VSTM2A: variants seen among roughly 807,000 people sequenced by gnomAD.
VSTM2A encodes V-set and transmembrane domain containing 2A.
Under a neutral mutation model 27.3 loss-of-function variants are expected in VSTM2A, and 13 were observed. The ratio of observed to expected loss-of-function variants is 0.48; its 90% CI spans 0.31 to 0.76. VSTM2A has a LOEUF of 0.76. Ranked by LOEUF, VSTM2A falls within the 30% of genes least tolerant of loss-of-function variation. VSTM2A has a pLI of 0.05. For missense variants in VSTM2A, 280 were observed against 310.0 expected, an observed-to-expected ratio of 0.90 and a Z score of 0.73; for synonymous variants, 142 against 125.7, an observed-to-expected ratio of 1.13 and a Z score of -0.87.
chr7:54,547,214 GT>G (rs1354759274), intron 3 of VSTM2A: 2 of 495,200 alleles, frequency 4.0e-6, no homozygotes, highest in Non-Finnish European at 6.9e-6. Flanking sequence ...CTAGAGAATC[GT>G]TTGCTATCCA....
At chr7:54,553,482 C>G (rs1462860753) in intron 4 of VSTM2A, among the ~76,000 whole-genome samples, 1 of 152,088 alleles carries the variant, frequency 6.6e-6, no homozygotes, top group Non-Finnish European at 1.5e-5. Flanking sequence ...GCTCTATTTG[C>G]AAGAAGCTTA....
chr7:54,548,137 T>C (rs1584047492), intron 3 of VSTM2A, among the ~76,000 whole-genome samples: 1 of 152,314 alleles, frequency 6.6e-6, no homozygotes, highest in East Asian at 1.9e-4. Context: ...ACTAGATAGA[T>C]TGCTTGGTGA....
intron 4 of VSTM2A, chr7:54,554,074 G>A: frequency 6.4e-7 from 1 of 1,551,726 alleles, no homozygotes; most frequent in Non-Finnish European, 8.7e-7. Context: ...GCTCCTCCAG[G>A]TAAATTGCCC....
At chr7:54,559,565 T>A (rs1030510453) in intron 4 of VSTM2A, 4 of 152,166 alleles carry the variant, frequency 2.6e-5, no homozygotes, top group African/African-American at 9.6e-5. Flanking sequence ...ACTTCCCTTG[T>A]GAAGGAAAAT....
Position 54,569,264 on chromosome 7 carries a change from G to A in VSTM2A, c.*45G>A, listed in dbSNP as rs748241408. On this transcript the variant is annotated 3_prime_UTR_variant, in exon 5 of 5. Coordinates refer to ENST00000402613, the MANE Select transcript of VSTM2A (RefSeq NM_001301009.2). Reference sequence around the variant, plus strand: ...CTGCTTCCGGAAGCATAAATGAAGAGGCTATCACATGCTTTGTTGATCATA... The same window carrying A: ...CTGCTTCCGGAAGCATAAATGAAGAAGCTATCACATGCTTTGTTGATCATA... 1.3e-6 allele frequency: 2 copies of A among 1,549,696 alleles called. No homozygotes were observed. The highest frequency in any genetic ancestry group is 2.4e-5 in the East Asian group (1 of 40,892).
chr7:54,562,981 A>G (rs1189658859), intron 4 of VSTM2A, among the ~76,000 whole-genome samples: 1 of 152,232 alleles, frequency 6.6e-6, no homozygotes, highest in East Asian at 1.9e-4. Flanking sequence ...TTGTCTATAT[A>G]TCAGTAAATG....
At chr7:54,555,222 C>T (rs1788316944) in intron 4 of VSTM2A, among the ~76,000 whole-genome samples, 1 of 152,200 alleles carries the variant, frequency 6.6e-6, no homozygotes, top group South Asian at 2.1e-4. Flanking sequence ...CTTCACTTTC[C>T]TCATCTAATC....
chr7:54,567,897 T>C (rs1788772742), intron 4 of VSTM2A, among the ~76,000 whole-genome samples: 1 of 152,212 alleles, frequency 6.6e-6, no homozygotes, highest in African/African-American at 2.4e-5. Context: ...TTGCAAAATC[T>C]CTGTACTTAG....
In VSTM2A at chr7:54,566,666, C is replaced by T. The variant is rs146213359; in HGVS notation, c.635-2465C>T. 2.6e-5 allele frequency among the ~76,000 whole-genome samples: 4 copies of T among 152,250 alleles called. No homozygotes were observed. In the East Asian group the frequency reaches 7.7e-4, roughly 29 times the overall value. The stretch of plus-strand genomic sequence containing the variant: ...TAGGCAATCCTATCACAATGCAATA[C>T]CTGGCATACTAATATGACAAGAATA... On this transcript the variant is annotated intron_variant, in intron 4 of 4. Transcript: ENST00000402613.
intron 1 of VSTM2A, 84 bp from the exon 2 acceptor site, chr7:54,544,538 G>A (rs1409326783): frequency 2.5e-6 from 4 of 1,569,418 alleles, no homozygotes; most frequent in Non-Finnish European, 3.5e-6. Context: ...TTTAAGTCCA[G>A]GAAAAATGTA....
intron 4 of VSTM2A, chr7:54,554,011 C>G (rs893055985): frequency 6.4e-7 from 1 of 1,553,232 alleles, no homozygotes; most frequent in African/African-American, 1.4e-5. Context: ...CTTCCTGCTC[C>G]TCTTCCCCAA....
intron 3 of VSTM2A, among the ~76,000 whole-genome samples, chr7:54,547,923 T>G (rs1402134236): frequency 6.6e-6 from 1 of 152,154 alleles, no homozygotes; most frequent in African/African-American, 2.4e-5. Context: ...GATCTAAATG[T>G]GTAATCTCAA....
chr7:54,553,604 G>A, intron 4 of VSTM2A, among the ~76,000 whole-genome samples: 1 of 152,170 alleles, frequency 6.6e-6, no homozygotes, highest in South Asian at 2.1e-4. Context: ...GCTTCTTGCT[G>A]GAGGAGTCAG....
chr7:54,554,138 C>A, intron 4 of VSTM2A: 2 of 1,536,734 alleles, frequency 1.3e-6, no homozygotes, highest in South Asian at 1.2e-5. Context: ...CTCCTGCTTC[C>A]AATTCCCCAC....
chr7:54,560,618 T>C (rs1173957933), intron 4 of VSTM2A, among the ~76,000 whole-genome samples: 1 of 152,142 alleles, frequency 6.6e-6, no homozygotes, highest in African/African-American at 2.4e-5. Context: ...CAACAGACTC[T>C]GAGAGAGCAT....
At chr7:54,563,581 G>A (rs1197809321) in intron 4 of VSTM2A, among the ~76,000 whole-genome samples, 1 of 152,138 alleles carries the variant, frequency 6.6e-6, no homozygotes, top group African/African-American at 2.4e-5. Context: ...GAGGTAGAAA[G>A]GTCTGACAGC....
intron 4 of VSTM2A, among the ~76,000 whole-genome samples, chr7:54,560,952 A>G (rs1424578925): frequency 1.3e-5 from 2 of 152,172 alleles, no homozygotes; most frequent in African/African-American, 4.8e-5. Context: ...TCTGTTACAG[A>G]CACACCCTGA....
chr7:54,570,064 GTC>G lies in VSTM2A; in HGVS notation c.*849_*850del, dbSNP rs757870730. The G allele has an allele frequency of 1.3e-5, 2 of 152,126 alleles. No homozygotes were observed. The highest frequency in any genetic ancestry group is 4.8e-5 in the African/African-American group (2 of 41,432). The allele number at this position is 152,126 out of a possible 1,614,324, so 9.4% of individuals were successfully genotyped here. A position where few individuals can be genotyped will look rare whatever the true frequency, so the allele number is the denominator to read the frequency against. ...TCCACAGGTTTGACAGCTGCAGATG[GTC>G]TCTATTGTCCTCTGCTTCATTCTGG... On this transcript the variant is annotated 3_prime_UTR_variant, in exon 5 of 5. Coordinates refer to ENST00000402613, the MANE Select transcript of VSTM2A (RefSeq NM_001301009.2).
intron 1 of VSTM2A, among the ~76,000 whole-genome samples, chr7:54,543,531 A>T (rs1584040090): frequency 6.7e-6 from 1 of 149,816 alleles, no homozygotes; most frequent in Admixed American, 6.7e-5. Context: ...ATATAGTTTC[A>T]TTTCACTAGA....
Sources: gnomAD v4.1 joint callset for allele counts (sites outside exome capture counted in the v4.1 genomes callset) on GRCh38, gnomAD v4.1.1 for gene constraint, MANE v1.5 for transcripts, NCBI Gene and HGNC (gene_info 2026-07-23, HGNC 2026-07-21) for gene names.